CPQ: variants seen among roughly 807,000 people sequenced by gnomAD.
CPQ encodes Ser-Met dipeptidase.
A neutral mutation model predicts 45.7 loss-of-function variants in CPQ; 37 were observed. The observed-to-expected ratio is 0.81, with a 90% CI of 0.62 to 1.07. The LOEUF (loss-of-function observed/expected upper bound fraction) is 1.07, where lower values mean the gene tolerates loss of function less well. Ranked by LOEUF, CPQ falls within the 50% of genes least tolerant of loss-of-function variation. The pLI, the probability that CPQ is intolerant of heterozygous loss-of-function variation, is 0.00. For synonymous variants in CPQ, 186 were observed against 205.8 expected, an observed-to-expected ratio of 0.90 and a Z score of 0.82; for missense variants, 537 against 572.9, an observed-to-expected ratio of 0.94 and a Z score of 0.64.
chr8:97,083,409 T>C (rs1408346210), intron 7 of CPQ, among the ~76,000 whole-genome samples: 1 of 152,132 alleles, frequency 6.6e-6, no homozygotes, highest in Admixed American at 6.5e-5. Flanking sequence ...CATACTTACT[T>C]TGTGGTTACA....
At chr8:96,719,350 A>C (rs1809731272) in intron 1 of CPQ, among the ~76,000 whole-genome samples, 1 of 152,212 alleles carries the variant, frequency 6.6e-6, no homozygotes. Context: ...CTCATTGCCC[A>C]GGGCTGGCAG....
intron 1 of CPQ, among the ~76,000 whole-genome samples, chr8:96,738,692 T>C (rs1387227127): frequency 6.6e-6 from 1 of 152,168 alleles, no homozygotes; most frequent in Non-Finnish European, 1.5e-5. Flanking sequence ...TTCCCACCTA[T>C]GAGTGAGAAT....
At chr8:97,020,742 A>C (rs1809663782) in intron 5 of CPQ, among the ~76,000 whole-genome samples, 1 of 152,128 alleles carries the variant, frequency 6.6e-6, no homozygotes, top group East Asian at 1.9e-4. Flanking sequence ...AAAAATTACC[A>C]ACAAAAAAAG....
intron 5 of CPQ, among the ~76,000 whole-genome samples, chr8:96,986,026 T>G (rs562227096): frequency 9.8e-5 from 15 of 152,336 alleles, no homozygotes; most frequent in African/African-American, 3.6e-4. Flanking sequence ...CATTACTGAT[T>G]GGAGCTCTAG....
intron 4 of CPQ, among the ~76,000 whole-genome samples, chr8:96,922,800 A>G (rs1299054357): frequency 1.3e-5 from 2 of 152,150 alleles, no homozygotes; most frequent in Admixed American, 6.5e-5. Flanking sequence ...ACTCCTCTCA[A>G]GTGAATACAT....
intron 1 of CPQ, among the ~76,000 whole-genome samples, chr8:96,721,066 AGCTTTGGGTAG>A (rs955785113): frequency 1.3e-5 from 2 of 152,058 alleles, no homozygotes; most frequent in Admixed American, 1.3e-4. Flanking sequence ...CCACTCTATA[AGCTTTGGGTAG>A]TGCTGTCCTG....
chr8:96,954,042 A>C (rs1813312269), intron 4 of CPQ, among the ~76,000 whole-genome samples: 1 of 152,188 alleles, frequency 6.6e-6, no homozygotes, highest in African/African-American at 2.4e-5. Flanking sequence ...GGCCGAGTTA[A>C]GTTAAGCAAT....
Position 96,668,526 on chromosome 8 carries a change from G to A in CPQ, c.-35+23124G>A, listed in dbSNP as rs567915687. 4.9e-4 allele frequency among the ~76,000 whole-genome samples: 75 copies of A among 152,266 alleles called. 1 individual carries two copies. Among genetic ancestry groups the A allele is most frequent in the African/African-American group, 1.7e-3 (72 of 41,546 alleles). On this transcript the variant is annotated intron_variant, in intron 1 of 7. Transcript: ENST00000220763. ...CCATATTCAGGAAAAAATGAAACAT[G>A]TAGAAAGGAAATATTAACACTCATG... is the stretch of plus-strand genomic sequence containing the variant.
At chr8:97,040,356 G>T (rs1256365539) in intron 6 of CPQ, among the ~76,000 whole-genome samples, 19 of 151,360 alleles carry the variant, frequency 1.3e-4, no homozygotes, top group South Asian at 6.3e-4. Flanking sequence ...TAAATTTGTT[G>T]GAGTTCATTG....
chr8:97,034,085 T>G lies in CPQ; in HGVS notation c.1053+4591T>G, dbSNP rs183497414. ...TTTACTAAATTTACTAAACAATTTA[T>G]TAAATTATAAAGGATGTGAGGCTAT... On this transcript the variant is annotated intron_variant, in intron 6 of 7. Transcript: ENST00000220763. 2.9e-3 allele frequency among the ~76,000 whole-genome samples: 448 copies of G among 152,302 alleles called. 1 individual carries two copies. The highest frequency in any genetic ancestry group is 9.2e-3 in the African/African-American group (384 of 41,564).
chr8:96,844,082 T>G, intron 3 of CPQ, among the ~76,000 whole-genome samples: 1 of 152,220 alleles, frequency 6.6e-6, no homozygotes, highest in East Asian at 1.9e-4. Flanking sequence ...AAGAATCACA[T>G]CATTGTGGCA....
chr8:96,976,040 A>G (rs1404414020), intron 5 of CPQ, among the ~76,000 whole-genome samples: 1 of 152,034 alleles, frequency 6.6e-6, no homozygotes, highest in African/African-American at 2.4e-5. Flanking sequence ...GTAAAGAGGA[A>G]GTCAAACTGT....
chr8:96,731,366 T>C (rs997873618), intron 1 of CPQ, among the ~76,000 whole-genome samples: 4 of 152,210 alleles, frequency 2.6e-5, no homozygotes, highest in African/African-American at 4.8e-5. Context: ...TCCAGGCTAC[T>C]GCAAGCTTTC....
intron 7 of CPQ, among the ~76,000 whole-genome samples, chr8:97,142,261 A>G (rs1812181187): frequency 6.6e-6 from 1 of 152,252 alleles, no homozygotes; most frequent in Admixed American, 6.5e-5. Flanking sequence ...ACTAGAATCC[A>G]TAAGATGGGT....
chr8:97,118,775 G>A (rs1323333059), intron 7 of CPQ, among the ~76,000 whole-genome samples: 1 of 151,968 alleles, frequency 6.6e-6, no homozygotes, highest in Non-Finnish European at 1.5e-5. Context: ...GTGTATATAT[G>A]TTATATATAG....
chr8:96,889,268 A>G (rs1190021677), intron 4 of CPQ, among the ~76,000 whole-genome samples: 23 of 152,250 alleles, frequency 1.5e-4, no homozygotes, highest in Admixed American at 1.5e-3. Context: ...AAATTCAGCC[A>G]GAAGATAATA....
intron 1 of CPQ, among the ~76,000 whole-genome samples, chr8:96,770,352 GA>G (rs1259364263): frequency 6.6e-6 from 1 of 152,144 alleles, no homozygotes; most frequent in Non-Finnish European, 1.5e-5. Context: ...GTAACTCCAA[GA>G]ACCAGTGAGA....
intron 2 of CPQ, among the ~76,000 whole-genome samples, chr8:96,818,332 C>G (rs1398928781): frequency 6.6e-6 from 1 of 151,424 alleles, no homozygotes; most frequent in Non-Finnish European, 1.5e-5. Context: ...TGCTCCAAAA[C>G]AATTACAATA....
intron 4 of CPQ, among the ~76,000 whole-genome samples, chr8:96,940,561 C>A (rs1218784097): frequency 1.3e-5 from 2 of 152,142 alleles, no homozygotes; most frequent in African/African-American, 2.4e-5. Context: ...TACTGTGTAG[C>A]CTGCAAATGG....
Sources: gnomAD v4.1 joint callset for allele counts (sites outside exome capture counted in the v4.1 genomes callset) on GRCh38, gnomAD v4.1.1 for gene constraint, MANE v1.5 for transcripts, NCBI Gene and HGNC (gene_info 2026-07-23, HGNC 2026-07-21) for gene names.